EFNA5: variants seen among roughly 807,000 people sequenced by gnomAD.
EFNA5 encodes ephrin A5, also known as ephrin-A5.
In EFNA5, 5 loss-of-function variants were observed where a neutral mutation model predicts 22.9. The ratio of observed to expected loss-of-function variants is 0.22; its 90% CI spans 0.11 to 0.46. The LOEUF (loss-of-function observed/expected upper bound fraction) is 0.46. EFNA5 is among the 20% of genes least tolerant of loss of function. The pLI is 0.99. For synonymous variants in EFNA5, 113 were observed against 112.2 expected, an observed-to-expected ratio of 1.01 and a Z score of -0.04; for missense variants, 237 against 293.3, an observed-to-expected ratio of 0.81 and a Z score of 1.40.
At chr5:107,616,899 C>T (rs150252055) in intron 1 of EFNA5, among the ~76,000 whole-genome samples, 5 of 152,134 alleles carry the variant, frequency 3.3e-5, no homozygotes, top group East Asian at 3.9e-4. Context: ...TGAAAATAGC[C>T]AGACCTAACA....
intron 1 of EFNA5, among the ~76,000 whole-genome samples, chr5:107,514,673 T>C (rs1446519394): frequency 6.6e-6 from 1 of 152,056 alleles, no homozygotes. Flanking sequence ...AATAAAAAAA[T>C]TATTCTTCAA....
At chr5:107,563,019 T>C (rs1258734028) in intron 1 of EFNA5, among the ~76,000 whole-genome samples, 2 of 152,092 alleles carry the variant, frequency 1.3e-5, no homozygotes, top group East Asian at 1.9e-4. Context: ...GTCAGTGGGG[T>C]ACAAAAGTAA....
intron 1 of EFNA5, among the ~76,000 whole-genome samples, chr5:107,641,339 C>T (rs935452563): frequency 3.6e-5 from 5 of 138,918 alleles, no homozygotes; most frequent in Non-Finnish European, 6.3e-5. Context: ...GCCTGGGCAA[C>T]AGAGTGAGAC....
At chr5:107,582,715 T>C (rs557638914) in intron 1 of EFNA5, among the ~76,000 whole-genome samples, 3 of 151,508 alleles carry the variant, frequency 2.0e-5, no homozygotes, top group Non-Finnish European at 3.0e-5. Context: ...AAACTAAACA[T>C]AATTTCTAAG....
At chr5:107,422,563 AG>A (rs1425329964) in intron 2 of EFNA5, among the ~76,000 whole-genome samples, 1 of 152,230 alleles carries the variant, frequency 6.6e-6, no homozygotes, top group Non-Finnish European at 1.5e-5. Flanking sequence ...TGGGAAGCCC[AG>A]GTAGAGGGAC....
chr5:107,590,000 G>A (rs891841608), intron 1 of EFNA5, among the ~76,000 whole-genome samples: 6 of 152,128 alleles, frequency 3.9e-5, no homozygotes, highest in Non-Finnish European at 5.9e-5. Context: ...CACATGGACC[G>A]CAGAGAATTT....
At chr5:107,486,567 T>G (rs547811829) in intron 1 of EFNA5, among the ~76,000 whole-genome samples, 1 of 152,328 alleles carries the variant, frequency 6.6e-6, no homozygotes, top group Admixed American at 6.5e-5. Flanking sequence ...CTTCTGGGCG[T>G]ATGAGAGTAT....
At chr5:107,482,804 C>G (rs929494471) in intron 1 of EFNA5, among the ~76,000 whole-genome samples, 1 of 95,394 alleles carries the variant, frequency 1.0e-5, no homozygotes, top group Non-Finnish European at 1.9e-5. Context: ...TGCTCTCTCT[C>G]TCTCTCTCTG....
At position 107,414,991 on chromosome 5, in the gene EFNA5, A is replaced by G. The variant is rs111438329; in HGVS notation, c.418+12226T>C. ...AGCTTTTGAACACTGCTTTTCACAC[A>G]TGGATAAGAGCTAAGGGCATGAACT... On this transcript the variant is annotated intron_variant, in intron 2 of 4. Transcript: ENST00000333274. Among the ~76,000 whole-genome samples the G allele has an allele frequency of 4.3e-4, 66 of 152,298 alleles. 2 individuals carry two copies. The highest frequency in any genetic ancestry group is 1.5e-3 in the African/African-American group (64 of 41,566).
chr5:107,600,331 C>G (rs1253748538), intron 1 of EFNA5, among the ~76,000 whole-genome samples: 1 of 152,072 alleles, frequency 6.6e-6, no homozygotes, highest in Non-Finnish European at 1.5e-5. Context: ...TACTCTTGGA[C>G]GATGATCAGT....
chr5:107,429,611 G>A (rs1432292921), intron 1 of EFNA5, among the ~76,000 whole-genome samples: 2 of 152,134 alleles, frequency 1.3e-5, no homozygotes, highest in East Asian at 1.9e-4. Context: ...TTGGTTGAGT[G>A]GGAGAGTCAT....
chr5:107,640,928 A>G (rs1199100409), intron 1 of EFNA5, among the ~76,000 whole-genome samples: 1 of 152,020 alleles, frequency 6.6e-6, no homozygotes, highest in Non-Finnish European at 1.5e-5. Context: ...CTTCTCTTAC[A>G]TTTCTGAGTT....
chr5:107,547,634 G>A (rs1748193316), intron 1 of EFNA5, among the ~76,000 whole-genome samples: 1 of 152,088 alleles, frequency 6.6e-6, no homozygotes, highest in African/African-American at 2.4e-5. Context: ...TGAGTTGGCT[G>A]CAGAGCATTA....
intron 1 of EFNA5, among the ~76,000 whole-genome samples, chr5:107,461,125 G>A (rs557571564): frequency 3.6e-4 from 55 of 152,190 alleles, no homozygotes; most frequent in African/African-American, 1.3e-3. Flanking sequence ...AATCAGACTA[G>A]ATGATGACCC....
chr5:107,399,318 CGGAAAGGAAAGGAAAGGAAAGGAAA>C (rs70996954), intron 2 of EFNA5, among the ~76,000 whole-genome samples: 1 of 94,570 alleles, frequency 1.1e-5, no homozygotes, highest in African/African-American at 4.6e-5. Flanking sequence ...AGGAAGGAAA[CGGAAAGGAAAGGAAAGGAAAGGAAA>C]GGAAAGGAAA....
At chr5:107,395,468 A>G (rs1421567181) in intron 2 of EFNA5, among the ~76,000 whole-genome samples, 1 of 152,212 alleles carries the variant, frequency 6.6e-6, no homozygotes, top group South Asian at 2.1e-4. Flanking sequence ...AAGCAAGATA[A>G]TATTTAGATA....
At chr5:107,448,880 T>C (rs1367821860) in intron 1 of EFNA5, among the ~76,000 whole-genome samples, 1 of 148,444 alleles carries the variant, frequency 6.7e-6, no homozygotes, top group Non-Finnish European at 1.5e-5. Flanking sequence ...TAAAATAAAA[T>C]AAAAACAAAA....
chr5:107,549,174 G>C (rs576377475), intron 1 of EFNA5, among the ~76,000 whole-genome samples: 1 of 152,146 alleles, frequency 6.6e-6, no homozygotes, highest in African/African-American at 2.4e-5. Flanking sequence ...AAAAAAGAAA[G>C]CCCAAATTGT....
chr5:107,652,642 A>G (rs996868947), intron 1 of EFNA5, among the ~76,000 whole-genome samples: 20 of 152,194 alleles, frequency 1.3e-4, no homozygotes, highest in Non-Finnish European at 2.6e-4. Flanking sequence ...TTAACAATCC[A>G]AATATGCTAT....
Sources: gnomAD v4.1 joint callset for allele counts (sites outside exome capture counted in the v4.1 genomes callset) on GRCh38, gnomAD v4.1.1 for gene constraint, MANE v1.5 for transcripts, NCBI Gene and HGNC (gene_info 2026-07-23, HGNC 2026-07-21) for gene names.